SNTG1: variants seen among roughly 807,000 people sequenced by gnomAD.
SNTG1 encodes gamma-1-syntrophin.
In SNTG1, 39 loss-of-function variants were observed where a neutral mutation model predicts 74.7. That is an observed-to-expected ratio of 0.52 (90% CI 0.40 to 0.68). SNTG1 has a LOEUF of 0.68. Among genes scored for constraint, SNTG1 ranks in the 30% least tolerant of loss-of-function variants. The pLI is 0.00. For missense variants in SNTG1, 685 were observed against 609.5 expected (o/e 1.12, Z -1.30); for synonymous variants, 254 against 217.1 (o/e 1.17, Z -1.49).
intron 15 of SNTG1, among the ~76,000 whole-genome samples, chr8:50,684,478 GCTT>G (rs1270727230): frequency 1.3e-5 from 2 of 152,018 alleles, no homozygotes; most frequent in African/African-American, 4.8e-5. Flanking sequence ...TGGTAGTAAA[GCTT>G]CTTTCTGTTT....
At chr8:50,207,577 T>C (rs1483577272) in intron 2 of SNTG1, among the ~76,000 whole-genome samples, 2 of 152,172 alleles carry the variant, frequency 1.3e-5, no homozygotes, top group African/African-American at 4.8e-5. Flanking sequence ...TCAATTCTGC[T>C]CTGATCTTAG....
chr8:50,250,938 G>A (rs564904667), intron 2 of SNTG1, among the ~76,000 whole-genome samples: 2 of 152,082 alleles, frequency 1.3e-5, no homozygotes, highest in East Asian at 1.9e-4. Context: ...GAATTCCCTG[G>A]TGCTGTAATA....
intron 1 of SNTG1, among the ~76,000 whole-genome samples, chr8:49,936,886 T>C (rs1808129229): frequency 1.3e-5 from 2 of 152,308 alleles, no homozygotes; most frequent in Admixed American, 1.3e-4. Flanking sequence ...TGGTGGCTCA[T>C]GTCTGTAATC....
At chr8:50,260,823 G>A (rs1381732495) in intron 2 of SNTG1, among the ~76,000 whole-genome samples, 4 of 151,778 alleles carry the variant, frequency 2.6e-5, no homozygotes, top group Non-Finnish European at 5.9e-5. Context: ...CTTTTGATGG[G>A]CTTATTAGGA....
In SNTG1 at chr8:50,126,911, C is replaced by T. The variant is rs147348871; in HGVS notation, c.-102-45650C>T. 3.3e-5 allele frequency among the ~76,000 whole-genome samples: 5 copies of T among 152,174 alleles called. No individual in the cohort carries two copies. The East Asian group carries it at 5.8e-4, about 18-fold the overall frequency. ...CCAGGTTCCACAAAGTGGAGAGGTA[C>T]GAGCTTTTTCCTCAGGAGCATACAA... On this transcript the variant is annotated intron_variant, in intron 1 of 18. Transcript: ENST00000642720.
intron 1 of SNTG1, among the ~76,000 whole-genome samples, chr8:49,919,265 T>A (rs1323715556): frequency 6.6e-6 from 1 of 152,164 alleles, no homozygotes; most frequent in Non-Finnish European, 1.5e-5. Context: ...TATTACATAT[T>A]GGGCTGGATC....
intron 15 of SNTG1, among the ~76,000 whole-genome samples, chr8:50,663,486 C>T (rs73676388): frequency 1.3e-5 from 2 of 152,018 alleles, no homozygotes; most frequent in East Asian, 3.9e-4. Flanking sequence ...GCAGAGGAGT[C>T]GGGCCTGAAT....
At chr8:50,154,737 A>T (rs1369934461) in intron 1 of SNTG1, among the ~76,000 whole-genome samples, 3 of 152,194 alleles carry the variant, frequency 2.0e-5, no homozygotes, top group Admixed American at 6.5e-5. Flanking sequence ...ACTGATCACA[A>T]CTATCAAGGT....
At chr8:50,643,147 A>G (rs1205932464) in intron 13 of SNTG1, among the ~76,000 whole-genome samples, 1 of 152,236 alleles carries the variant, frequency 6.6e-6, no homozygotes, top group African/African-American at 2.4e-5. Context: ...AAACTCAGAT[A>G]AAGAATGCAT....
chr8:49,997,104 C>T (rs555744020), intron 1 of SNTG1, among the ~76,000 whole-genome samples: 2 of 152,150 alleles, frequency 1.3e-5, no homozygotes, highest in East Asian at 3.9e-4. Flanking sequence ...GCTGTATTTA[C>T]CTAAACTAGG....
At chr8:50,736,676 G>T (rs2095529668) in intron 17 of SNTG1, among the ~76,000 whole-genome samples, 1 of 151,848 alleles carries the variant, frequency 6.6e-6, no homozygotes, top group South Asian at 2.1e-4. Flanking sequence ...AAGATTGGAA[G>T]AAAAAACACT....
chr8:50,392,046 A>T (rs11782140), intron 2 of SNTG1, among the ~76,000 whole-genome samples: 26,678 of 152,186 alleles, frequency 0.18, 2,606 homozygotes, highest in Middle Eastern at 0.27. Context: ...GTGCCTTGGA[A>T]GCAATCCTAG....
intron 8 of SNTG1, among the ~76,000 whole-genome samples, chr8:50,501,442 T>G (rs1297041227): frequency 1.4e-4 from 19 of 133,480 alleles, no homozygotes; most frequent in Non-Finnish European, 1.9e-4. Context: ...TTTTTTTTTT[T>G]TTTTTTTTTT....
chr8:50,501,454 T>TC (rs2093953667), intron 8 of SNTG1, among the ~76,000 whole-genome samples: 1 of 113,996 alleles, frequency 8.8e-6, no homozygotes, highest in East Asian at 2.5e-4. Flanking sequence ...TTTTTTTTTT[T>TC]CACGGAGTTT....
At chr8:50,397,286 AAAG>A (rs1412548619) in intron 3 of SNTG1, among the ~76,000 whole-genome samples, 2 of 152,220 alleles carry the variant, frequency 1.3e-5, no homozygotes, top group African/African-American at 2.4e-5. Flanking sequence ...TAATAAAAAG[AAAG>A]AAGAAGATTC....
chr8:50,615,873 C>G (rs2094882394), intron 13 of SNTG1, among the ~76,000 whole-genome samples: 1 of 152,158 alleles, frequency 6.6e-6, no homozygotes, highest in Admixed American at 6.5e-5. Context: ...AGAAACAGAA[C>G]CATGGCACAT....
At position 50,040,521 on chromosome 8, in the gene SNTG1, T is replaced by C. The variant is rs536381970; in HGVS notation, c.-103+128290T>C. On this transcript the variant is annotated intron_variant, in intron 1 of 18. Coordinates refer to ENST00000642720, the MANE Select transcript of SNTG1 (RefSeq NM_018967.5). ...CCATTAAAAACTTATTGGAGAAGAG[T>C]GACATGATTAAGCCAATGCAGGGAT... is the stretch of plus-strand genomic sequence containing the variant. 5.9e-5 allele frequency among the ~76,000 whole-genome samples: 9 copies of C among 152,118 alleles called. No homozygotes were observed. The South Asian group carries it at 1.9e-3, about 31-fold the overall frequency.
intron 17 of SNTG1, among the ~76,000 whole-genome samples, chr8:50,746,801 A>T (rs139534550): frequency 0.028 from 4,113 of 148,234 alleles, 73 homozygotes; most frequent in Non-Finnish European, 0.042. Flanking sequence ...ATATATGTAT[A>T]ATATATATTT....
At chr8:50,062,527 T>C (rs1020419397) in intron 1 of SNTG1, among the ~76,000 whole-genome samples, 1 of 152,236 alleles carries the variant, frequency 6.6e-6, no homozygotes, top group Admixed American at 6.5e-5. Context: ...GCAATTTTCT[T>C]TGTTTTGAAA....
Sources: allele counts gnomAD v4.1 joint callset (sites outside exome capture counted in the v4.1 genomes callset), GRCh38; gene constraint gnomAD v4.1.1; transcripts MANE v1.5; gene names NCBI Gene and HGNC (gene_info 2026-07-23, HGNC 2026-07-21).